USH2A: variants seen among roughly 807,000 people sequenced by gnomAD.
USH2A encodes Usher syndrome 2A (autosomal recessive, mild).
Under a neutral mutation model 538.9 loss-of-function variants are expected in USH2A, and 443 were observed. The ratio of observed to expected loss-of-function variants is 0.82; its 90% CI spans 0.76 to 0.89. The LOEUF is 0.89. Ranked by LOEUF, USH2A falls within the 40% of genes least tolerant of loss-of-function variation. USH2A has a pLI of 0.00. For missense variants in USH2A, 6,633 were observed against 6,324.8 expected (o/e 1.05, Z -1.65); for synonymous variants, 2,413 against 2,273.5 (o/e 1.06, Z -1.75).
chr1:216,340,635 T>C (rs1272956419), intron 4 of USH2A, among the ~76,000 whole-genome samples: 4 of 151,042 alleles, frequency 2.6e-5, no homozygotes, highest in Non-Finnish European at 1.5e-5. Context: ...TCCAGCAGCA[T>C]ATCCTTATCC....
At chr1:216,319,896 C>G (rs1240887684) in intron 9 of USH2A, among the ~76,000 whole-genome samples, 1 of 152,096 alleles carries the variant, frequency 6.6e-6, no homozygotes, top group African/African-American at 2.4e-5. Context: ...AAATAAATTT[C>G]ACAGAGAAGT....
chr1:216,246,764 A>C lies in USH2A; in HGVS notation c.2630T>G (p.Leu877Arg). The change falls in exon 13 of 72, where the codon CTT (leucine) becomes CGT (arginine). Residue 877 changes from leucine to arginine, a missense_variant. Coordinates refer to ENST00000307340, the MANE Select transcript of USH2A (RefSeq NM_206933.4). ...GTGAGGCTCACACTGATTACAGCGA[A>C]GACCTGTTACCCCTAATTTGCAAGG... The part of the protein sequence containing the change: ...QCPCKLGVTG[L>R]RCNQCEPHRY... 6.2e-7 allele frequency: 1 copy of C among 1,614,120 alleles called. No individual in the cohort carries two copies. The highest frequency in any genetic ancestry group is 8.5e-7 in the Non-Finnish European group (1 of 1,179,974).
chr1:216,369,609 C>T (rs943785722), intron 3 of USH2A, among the ~76,000 whole-genome samples: 5 of 152,112 alleles, frequency 3.3e-5, no homozygotes, highest in African/African-American at 1.2e-4. Context: ...AAGTAGTTAA[C>T]ATATATTAAA....
intron 21 of USH2A, among the ~76,000 whole-genome samples, chr1:216,124,179 T>C (rs951947251): frequency 5.9e-5 from 9 of 152,076 alleles, no homozygotes; most frequent in African/African-American, 2.2e-4. Context: ...AGTAATTAAA[T>C]TGACAGAGGA....
chr1:216,154,400 G>A (rs987221544), intron 21 of USH2A, among the ~76,000 whole-genome samples: 1 of 151,470 alleles, frequency 6.6e-6, no homozygotes, highest in African/African-American at 2.4e-5. Flanking sequence ...GAATTTAAAT[G>A]GTAAAATAAT....
rs966979589 is a variant in USH2A, at chr1:215,743,220, A to G, written c.11505T>C (p.Thr3835=). 7 of 1,612,448 alleles carry G rather than the reference A, an allele frequency of 4.3e-6. No homozygotes were observed. The African/African-American group carries it at 9.4e-5, about 22-fold the overall frequency. ...TCCTTATCTCATACTGTGTGAATGG[A>G]GTCAAATTTTCCAGAAGGGTGGATT... The part of the protein sequence containing the change: ...HHQSTLLENL[T]PFTQYEIRIQ... The change falls in exon 59 of 72, where the codon ACT becomes ACC. Residue 3835 remains threonine (T), a synonymous_variant. Transcript: ENST00000307340.
chr1:216,104,588 T>C (rs2032684571), intron 21 of USH2A, among the ~76,000 whole-genome samples: 1 of 152,134 alleles, frequency 6.6e-6, no homozygotes, highest in South Asian at 2.1e-4. Context: ...CACTATTAAA[T>C]AAATGGTGCT....
intron 11 of USH2A, among the ~76,000 whole-genome samples, chr1:216,257,866 T>C (rs1426896641): frequency 6.6e-6 from 1 of 152,050 alleles, no homozygotes; most frequent in African/African-American, 2.4e-5. Context: ...TGTATTTTCA[T>C]TCCATACAGT....
intron 21 of USH2A, among the ~76,000 whole-genome samples, chr1:216,126,956 C>T (rs1172119112): frequency 6.6e-6 from 1 of 152,096 alleles, no homozygotes; most frequent in Non-Finnish European, 1.5e-5. Flanking sequence ...AAAGATGATT[C>T]CATAGAAATT....
intron 21 of USH2A, among the ~76,000 whole-genome samples, chr1:216,124,175 T>G (rs1301832513): frequency 6.6e-6 from 1 of 152,100 alleles, no homozygotes; most frequent in African/African-American, 2.4e-5. Context: ...AGAAAGTAAT[T>G]AAATTGACAG....
chr1:215,717,141 C>T (rs955549947), intron 61 of USH2A, among the ~76,000 whole-genome samples: 4 of 152,130 alleles, frequency 2.6e-5, no homozygotes, highest in Non-Finnish European at 4.4e-5. Context: ...AACCCATTAA[C>T]TGCTTGGTAA....
intron 55 of USH2A, among the ~76,000 whole-genome samples, chr1:215,778,210 C>T (rs532110375): frequency 1.3e-5 from 2 of 152,070 alleles, no homozygotes; most frequent in Non-Finnish European, 2.9e-5. Flanking sequence ...CACCACCATG[C>T]CCAACTGATT....
chr1:215,855,624 T>C (rs1664143176), intron 44 of USH2A, among the ~76,000 whole-genome samples: 1 of 151,884 alleles, frequency 6.6e-6, no homozygotes, highest in Non-Finnish European at 1.5e-5. Flanking sequence ...ATCAACACAA[T>C]TCCCATCAAT....
At chr1:215,947,440 A>C (rs1276702972) in intron 37 of USH2A, among the ~76,000 whole-genome samples, 1 of 152,240 alleles carries the variant, frequency 6.6e-6, no homozygotes, top group East Asian at 1.9e-4. Context: ...TATTTCTATT[A>C]GGCAGTGCTG....
intron 11 of USH2A, among the ~76,000 whole-genome samples, chr1:216,259,683 A>G (rs964172768): frequency 2.4e-4 from 37 of 152,138 alleles, no homozygotes; most frequent in Admixed American, 9.8e-4. Context: ...GCTCAAGAAA[A>G]AGGATACAGG....
chr1:215,997,360 T>C (rs1419618523), intron 34 of USH2A, among the ~76,000 whole-genome samples: 2 of 152,072 alleles, frequency 1.3e-5, no homozygotes, highest in Non-Finnish European at 2.9e-5. Context: ...TAGAATAGTG[T>C]TTGGGATTAC....
At position 216,000,500 on chromosome 1, in the gene USH2A, T is replaced by A. The variant is rs1668243915; in HGVS notation, c.6388A>T (p.Asn2130Tyr). 4.3e-6 allele frequency: 7 copies of A among 1,613,694 alleles called. No homozygotes were observed. Among genetic ancestry groups the A allele is most frequent in the Non-Finnish European group, 5.9e-6 (7 of 1,179,724 alleles). ...GTGTACAGTAGGACCCAGGAACTGT[T>A]TGTACAGCCCACATGTGTGCATGCA... ...LSACTHVGCT[N>Y]SSWVLLYTAQ... Residue 2130 changes from asparagine (N) to tyrosine (Y), a missense_variant, in exon 33 of 72, where the codon AAC becomes TAC. Coordinates refer to ENST00000307340, the MANE Select transcript of USH2A (RefSeq NM_206933.4).
chr1:215,774,504 A>G (rs1661400764), intron 55 of USH2A, among the ~76,000 whole-genome samples: 1 of 151,854 alleles, frequency 6.6e-6, no homozygotes, highest in African/African-American at 2.4e-5. Context: ...TATATCTGTG[A>G]TATATATATT....
Position 215,993,120 on chromosome 1 carries a change from T to A in USH2A, c.6705A>T (p.Leu2235=). Residue 2235 remains leucine, a synonymous_variant, in exon 35 of 72, where the codon CTA becomes CTT. Transcript: ENST00000307340. The part of the protein sequence containing the change: ...GCTVSEASEA[L]TDEDIPEGVP... ...CGCCTTCGGGTATGTCCTCGTCAGT[T>A]AGGGCCTCACTGGCCTCACTCACTG... 6.2e-7 allele frequency: 1 copy of A among 1,614,038 alleles called. No homozygotes were observed. The highest frequency in any genetic ancestry group is 2.2e-5 in the East Asian group (1 of 44,866).
Sources: allele counts gnomAD v4.1 joint callset (sites outside exome capture counted in the v4.1 genomes callset), GRCh38; gene constraint gnomAD v4.1.1; transcripts MANE v1.5; gene names NCBI Gene and HGNC (gene_info 2026-07-23, HGNC 2026-07-21).